The following PTCH1 variants were observed in gnomAD, a reference collection of about 807,000 sequenced individuals.
PTCH1 encodes the protein protein patched homolog 1.
In PTCH1, 14 loss-of-function variants were observed where a neutral mutation model predicts 144.6. The ratio of observed to expected loss-of-function variants is 0.10; its 90% CI spans 0.06 to 0.15. PTCH1 has a LOEUF of 0.15. PTCH1 is among the 10% of genes least tolerant of loss of function. The pLI is 1.00. For missense variants in PTCH1, 1,623 were observed against 1,948.3 expected, an observed-to-expected ratio of 0.83 and a Z score of 3.14; for synonymous variants, 833 against 793.6, an observed-to-expected ratio of 1.05 and a Z score of -0.83.
chr9:95,475,919 A>G (rs1840990670), intron 12 of PTCH1, 115 bp downstream of exon 12: 8 of 1,509,404 alleles, frequency 5.3e-6, no homozygotes, highest in Non-Finnish European at 3.6e-6. Flanking sequence ...AAACACAGGC[A>G]TTTCTATTTC....
intron 2 of PTCH1, among the ~76,000 whole-genome samples, chr9:95,491,646 G>A (rs564878347): frequency 5.3e-5 from 8 of 152,222 alleles, no homozygotes; most frequent in African/African-American, 9.6e-5. Context: ...ACTACCCTGC[G>A]AGCCTCATGG....
chr9:95,476,017 C>A lies in PTCH1; in HGVS notation c.1728+17G>T. 5.6e-6 allele frequency: 9 copies of A among 1,613,320 alleles called. No individual in the cohort carries two copies. Among genetic ancestry groups the A allele is most frequent in the Non-Finnish European group, 7.6e-6 (9 of 1,180,032 alleles). On this transcript the variant is annotated intron_variant, in intron 12 of 23. Coordinates refer to ENST00000331920, the MANE Select transcript of PTCH1 (RefSeq NM_000264.5). This position sits in a 1 kb window ranked among gnomAD's most constrained non-coding sequence, Gnocchi z 4.6. ...CCCCGTTCAGGATCACCACAGCCTT[C>A]ATCACCAGAAGCTCACCTGGAGGGA...
chr9:95,506,744 C>T, intron 1 of PTCH1, 145 bp from the exon 2 acceptor site: 4 of 1,063,134 alleles, frequency 3.8e-6, no homozygotes, highest in Non-Finnish European at 4.9e-6. Context: ...CTCGAGACTG[C>T]AGCCCCGGCG....
At chr9:95,481,096 C>T (rs954577065) in intron 5 of PTCH1, among the ~76,000 whole-genome samples, 2 of 152,194 alleles carry the variant, frequency 1.3e-5, no homozygotes, top group Non-Finnish European at 2.9e-5. Context: ...GCCATCACCA[C>T]CATCACAGCC....
intron 15 of PTCH1, 99 bp downstream of exon 15, chr9:95,467,017 T>G: frequency 7.5e-7 from 1 of 1,334,676 alleles, no homozygotes; most frequent in Non-Finnish European, 1.1e-6. Flanking sequence ...ACGTCAGTGT[T>G]ACATTCTAAT....
chr9:95,493,208 G>A (rs140574091), intron 2 of PTCH1, among the ~76,000 whole-genome samples: 204 of 152,280 alleles, frequency 1.3e-3, no homozygotes, highest in Non-Finnish European at 2.2e-3. Context: ...CCCTCATCAC[G>A]CTTCCCTGCT....
At chr9:95,456,184 G>A (rs2136645648) in intron 19 of PTCH1, 92 bp downstream of exon 19, 2 of 1,544,230 alleles carry the variant, frequency 1.3e-6, no homozygotes, top group South Asian at 1.1e-5. Flanking sequence ...GCCACGCACA[G>A]GGAGAATGCA....
chr9:95,448,457 G>T (rs1207301301), intron 22 of PTCH1, among the ~76,000 whole-genome samples: 1 of 152,130 alleles, frequency 6.6e-6, no homozygotes, highest in East Asian at 1.9e-4. Context: ...AGCCTCCGAG[G>T]AGGGGCTCCC....
chr9:95,486,684 A>G (rs1465923027), intron 2 of PTCH1, among the ~76,000 whole-genome samples: 1 of 152,266 alleles, frequency 6.6e-6, no homozygotes, highest in East Asian at 1.9e-4. Flanking sequence ...CCAGCGCAGG[A>G]GCAGGTGACC....
In PTCH1 at chr9:95,476,953, C is replaced by T; in HGVS notation, c.1504-96G>A. On this transcript the variant is annotated intron_variant, in intron 10 of 23. Coordinates refer to ENST00000331920, the MANE Select transcript of PTCH1 (RefSeq NM_000264.5). This position sits in a 1 kb window ranked among gnomAD's most constrained non-coding sequence, Gnocchi z 4.6. ...GGACTCTGCCACCAGCACCTAACAGCTCCTGAAGCAGGGCTTCCGTAACCT... is the reference window on the plus strand; with the variant it reads ...GGACTCTGCCACCAGCACCTAACAGTTCCTGAAGCAGGGCTTCCGTAACCT... 8.6e-7 allele frequency: 1 copy of T among 1,168,948 alleles called. No homozygotes were observed. Among genetic ancestry groups the T allele is most frequent in the Non-Finnish European group, 1.3e-6 (1 of 795,644 alleles). The allele number at this position is 1,168,948 out of a possible 1,614,324, so 72.4% of individuals were successfully genotyped here.
intron 2 of PTCH1, among the ~76,000 whole-genome samples, chr9:95,492,763 T>C (rs930418193): frequency 1.3e-5 from 2 of 152,016 alleles, no homozygotes; most frequent in Non-Finnish European, 2.9e-5. Flanking sequence ...AATCCGTATT[T>C]TTATTTAAAG....
intron 2 of PTCH1, among the ~76,000 whole-genome samples, chr9:95,493,582 T>G (rs1194321575): frequency 1.3e-5 from 2 of 152,148 alleles, no homozygotes; most frequent in Non-Finnish European, 2.9e-5. Context: ...CAGAGTCCAA[T>G]TAGGAAAATA....
chr9:95,473,542 ATTT>A (rs34481207), intron 12 of PTCH1, among the ~76,000 whole-genome samples: 5 of 119,010 alleles, frequency 4.2e-5, no homozygotes, highest in Admixed American at 8.6e-5. Context: ...TTTCTATCCT[ATTT>A]TTTTTTTTTT....
At chr9:95,446,880 TC>T in intron 23 of PTCH1, 30 bp downstream of exon 23, 1 of 1,612,942 alleles carries the variant, frequency 6.2e-7, no homozygotes, top group Non-Finnish European at 8.5e-7. Context: ...TGGCTCTAGG[TC>T]CCTTGGCTGC....
At position 95,449,479 on chromosome 9, in the gene PTCH1, G is replaced by GGAC. The variant is rs55761380; in HGVS notation, c.3550-159_3550-157dup. 917 of 1,042,668 alleles carry GGAC rather than the reference G, an allele frequency of 8.8e-4. 7 individuals are homozygous for GGAC. The African/African-American group carries it at 0.013, about 15-fold the overall frequency. 64.6% of individuals were successfully genotyped at this position (1,042,668 alleles called of 1,614,324 possible). A position where few individuals can be genotyped will look rare whatever the true frequency, so the allele number is the denominator to read the frequency against. On this transcript the variant is annotated intron_variant, in intron 21 of 23. Transcript: ENST00000331920. The surrounding 1 kb of genome is among the most constrained non-coding windows in gnomAD (Gnocchi z 5.3). ...AACCTCCCCTTCTCTACCACCTGGAGGACCTTCAGGTCCCGCAGCTGGAGC... is the reference window on the plus strand; with the variant it reads ...AACCTCCCCTTCTCTACCACCTGGAGGACGACCTTCAGGTCCCGCAGCTGGAGC...
intron 12 of PTCH1, among the ~76,000 whole-genome samples, chr9:95,470,209 C>T (rs1840439414): frequency 6.6e-6 from 1 of 152,152 alleles, no homozygotes; most frequent in Admixed American, 6.5e-5. Context: ...TTGCTAGTAA[C>T]CTAACCAAAC....
intron 2 of PTCH1, among the ~76,000 whole-genome samples, chr9:95,489,615 G>T (rs1842227622): frequency 6.6e-6 from 1 of 152,154 alleles, no homozygotes; most frequent in African/African-American, 2.4e-5. Context: ...GCCTCCCAAA[G>T]TGCTGGGATT....
intron 1 of PTCH1, chr9:95,514,353 C>T (rs916818629): frequency 2.6e-5 from 4 of 152,244 alleles, no homozygotes; most frequent in Admixed American, 1.3e-4. Flanking sequence ...CTCTATCAAG[C>T]TTTGCGTTTG....
rs111651033 is a variant in PTCH1, at chr9:95,482,726, A to G, written c.585-523T>C. ...GCCAGGTGGGTCAAATTCTAACTTC[A>G]CAGTCTCTTCTATTCCTATCTTACA... On this transcript the variant is annotated intron_variant, in intron 3 of 23. Transcript: ENST00000331920. 234 of 190,736 alleles carry G rather than the reference A, an allele frequency of 1.2e-3. 1 individual carries two copies. The Middle Eastern group carries it at 0.015, about 12-fold the overall frequency. 11.8% of individuals were successfully genotyped at this position (190,736 alleles called of 1,614,324 possible).
Sources: allele counts gnomAD v4.1 joint callset (sites outside exome capture counted in the v4.1 genomes callset), GRCh38; gene constraint gnomAD v4.1.1; non-coding constraint Gnocchi (gnomAD v3.1); transcripts MANE v1.5; gene names NCBI Gene and HGNC (gene_info 2026-07-23, HGNC 2026-07-21).